DCLK1: variants seen among roughly 807,000 people sequenced by gnomAD.
DCLK1 encodes the protein doublecortin like kinase 1, also known as serine/threonine-protein kinase DCLK1.
Under a neutral mutation model 86.2 loss-of-function variants are expected in DCLK1, and 16 were observed. That is an observed-to-expected ratio of 0.19 (90% CI 0.13 to 0.28). The LOEUF (loss-of-function observed/expected upper bound fraction) is 0.28. Among genes scored for constraint, DCLK1 ranks in the 10% least tolerant of loss-of-function variants. The pLI, the probability that DCLK1 is intolerant of heterozygous loss-of-function variation, is 1.00. For missense variants in DCLK1, 590 were observed against 940.2 expected, an observed-to-expected ratio of 0.63 and a Z score of 4.87; for synonymous variants, 369 against 370.5, an observed-to-expected ratio of 1.00 and a Z score of 0.05.
At chr13:35,918,477 C>T (rs1186724244) in intron 4 of DCLK1, among the ~76,000 whole-genome samples, 2 of 152,144 alleles carry the variant, frequency 1.3e-5, no homozygotes, top group Non-Finnish European at 2.9e-5. Context: ...TCATATGACA[C>T]TTATTGCATA....
intron 4 of DCLK1, among the ~76,000 whole-genome samples, chr13:35,920,322 G>T (rs1264969779): frequency 6.6e-6 from 1 of 152,136 alleles, no homozygotes; most frequent in African/African-American, 2.4e-5. Flanking sequence ...ATCACGGAAG[G>T]GACTAGCTGT....
intron 16 of DCLK1, among the ~76,000 whole-genome samples, chr13:35,791,195 T>C (rs370118383): frequency 8.1e-5 from 12 of 147,556 alleles, no homozygotes; most frequent in African/African-American, 2.5e-4. Context: ...AATTGTGCTA[T>C]AGATCTGACA....
intron 3 of DCLK1, among the ~76,000 whole-genome samples, chr13:35,994,149 G>C (rs1880373903): frequency 6.6e-6 from 1 of 152,162 alleles, no homozygotes; most frequent in Admixed American, 6.6e-5. Flanking sequence ...GAGTAGGTTG[G>C]GGCATGGTGA....
intron 3 of DCLK1, among the ~76,000 whole-genome samples, chr13:36,106,570 T>C (rs1032120792): frequency 6.6e-6 from 1 of 152,184 alleles, no homozygotes; most frequent in Non-Finnish European, 1.5e-5. Context: ...TTTTGCTACA[T>C]AGGTAGTGTA....
intron 3 of DCLK1, among the ~76,000 whole-genome samples, chr13:35,989,750 T>C (rs1274986436): frequency 1.3e-5 from 2 of 150,918 alleles, no homozygotes; most frequent in African/African-American, 4.9e-5. Flanking sequence ...AGGGGTCTGA[T>C]TATGTCACCC....
chr13:35,862,667 T>G (rs1222336991), intron 5 of DCLK1, among the ~76,000 whole-genome samples: 1 of 152,202 alleles, frequency 6.6e-6, no homozygotes, highest in Non-Finnish European at 1.5e-5. Context: ...TTCCAACTCT[T>G]TCTTAGAATT....
At position 36,072,123 on chromosome 13, in the gene DCLK1, T is replaced by C. The variant is rs1199576944; in HGVS notation, c.723+39746A>G. On this transcript the variant is annotated intron_variant, in intron 3 of 16. Coordinates refer to ENST00000360631, the MANE Select transcript of DCLK1 (RefSeq NM_001330071.2). ...CATCAATTTCTCCTCTAATTTGTTT[T>C]CCTAAACTAGCTCCCTCACCTATTT... Among the ~76,000 whole-genome samples, 2 of 152,174 alleles carry C rather than the reference T, an allele frequency of 1.3e-5. 1 individual carries two copies. The highest frequency in any genetic ancestry group is 6.3e-3 in the Middle Eastern group (2 of 316).
At chr13:36,023,468 G>A (rs1881876087) in intron 3 of DCLK1, among the ~76,000 whole-genome samples, 1 of 152,146 alleles carries the variant, frequency 6.6e-6, no homozygotes, top group South Asian at 2.1e-4. Context: ...TCAAGAAGGT[G>A]GGTCATTTGC....
chr13:36,030,589 G>C (rs575998280), intron 3 of DCLK1, among the ~76,000 whole-genome samples: 48 of 151,764 alleles, frequency 3.2e-4, no homozygotes, highest in African/African-American at 1.2e-3. Context: ...TTACAGGCGT[G>C]AGCCACCATG....
chr13:36,115,018 G>T (rs1221999729), intron 2 of DCLK1, among the ~76,000 whole-genome samples: 1 of 152,004 alleles, frequency 6.6e-6, no homozygotes, highest in East Asian at 1.9e-4. Context: ...TAACAAGACA[G>T]GGCCAATCAT....
chr13:35,943,218 A>T (rs1319733051), intron 4 of DCLK1, among the ~76,000 whole-genome samples: 1 of 152,084 alleles, frequency 6.6e-6, no homozygotes, highest in Non-Finnish European at 1.5e-5. Context: ...GGAGGTGGAG[A>T]TTGGAGTGAT....
At chr13:35,950,803 G>A (rs1877626003) in intron 3 of DCLK1, among the ~76,000 whole-genome samples, 1 of 152,112 alleles carries the variant, frequency 6.6e-6, no homozygotes, top group Non-Finnish European at 1.5e-5. Flanking sequence ...GTACCTCCCA[G>A]GAGAGTTGAT....
Position 35,808,510 on chromosome 13 carries a change from C to T in DCLK1, c.1767-190G>A, listed in dbSNP as rs185868075. On this transcript the variant is annotated intron_variant, in intron 13 of 16. Transcript: ENST00000360631. ...TAAGAAAGAGTTTTTGGGCCGGGTG[C>T]GGCGGCTCACACCTGTATTCCCAGC... Among the ~76,000 whole-genome samples, 91 of 152,286 alleles carry T rather than the reference C, an allele frequency of 6.0e-4. No homozygotes were observed. In the Middle Eastern group the frequency reaches 0.014, roughly 23 times the overall value.
In DCLK1 at chr13:35,879,609, A is replaced by G. The variant is rs763810956; in HGVS notation, c.824-8269T>C. ...TTGCTTGGTAACCCAAGTTCCTACT[A>G]TCTTATCTCTGTCAAACCTGAGTGT... On this transcript the variant is annotated intron_variant, in intron 4 of 16. Transcript: ENST00000360631. 1.2e-4 allele frequency among the ~76,000 whole-genome samples: 18 copies of G among 152,164 alleles called. No individual in the cohort carries two copies. The East Asian group carries it at 1.9e-3, about 16-fold the overall frequency.
intron 11 of DCLK1, among the ~76,000 whole-genome samples, chr13:35,818,901 C>T (rs929803206): frequency 1.2e-4 from 18 of 151,946 alleles, no homozygotes; most frequent in Non-Finnish European, 8.8e-5. Context: ...ACAGTGGTCC[C>T]ATGCCTAAGC....
intron 16 of DCLK1, among the ~76,000 whole-genome samples, chr13:35,776,177 G>T (rs1357460898): frequency 4.6e-5 from 7 of 152,030 alleles, no homozygotes. Context: ...TAAACCTATT[G>T]ATTTTATGAT....
At chr13:35,990,429 C>A (rs767760727) in intron 3 of DCLK1, among the ~76,000 whole-genome samples, 1 of 151,976 alleles carries the variant, frequency 6.6e-6, no homozygotes, top group South Asian at 2.1e-4. Flanking sequence ...TTGGCTATTG[C>A]GCCTCTGATC....
At chr13:35,885,791 A>G (rs1215113040) in intron 4 of DCLK1, among the ~76,000 whole-genome samples, 1 of 152,230 alleles carries the variant, frequency 6.6e-6, no homozygotes, top group Non-Finnish European at 1.5e-5. Flanking sequence ...GGGCCTTACC[A>G]TGCAAAAGTA....
At chr13:35,969,056 G>A (rs1878934379) in intron 3 of DCLK1, among the ~76,000 whole-genome samples, 1 of 152,094 alleles carries the variant, frequency 6.6e-6, no homozygotes, top group Non-Finnish European at 1.5e-5. Context: ...AAAAATCAGG[G>A]CAATTACCAC....
Sources: allele counts gnomAD v4.1 joint callset (sites outside exome capture counted in the v4.1 genomes callset), GRCh38; gene constraint gnomAD v4.1.1; transcripts MANE v1.5; gene names NCBI Gene and HGNC (gene_info 2026-07-23, HGNC 2026-07-21).